Variants in ART3 observed in about 807,000 individuals in gnomAD.
ART3 encodes ADP-ribosyltransferase 3 (inactive).
ART3 carries 49 observed loss-of-function variants against 48.5 expected under a neutral mutation model. The ratio of observed to expected loss-of-function variants is 1.01; its 90% CI spans 0.80 to 1.28. The LOEUF is 1.28. Among genes scored for constraint, ART3 ranks in the 50% most tolerant of loss-of-function variants. ART3 has a pLI of 0.00. For synonymous variants in ART3, 145 were observed against 157.2 expected (o/e 0.92, Z 0.58); for missense variants, 438 against 454.3 (o/e 0.96, Z 0.33).
At chr4:76,035,157 G>C (rs754217102) in intron 1 of ART3, 5 of 1,612,672 alleles carry the variant, frequency 3.1e-6, no homozygotes, top group Admixed American at 3.3e-5. Context: ...AAGTTTAGAT[G>C]CAAATACATA....
intron 4 of ART3, among the ~76,000 whole-genome samples, chr4:76,098,494 TC>T (rs1261602126): frequency 2.6e-5 from 4 of 152,214 alleles, no homozygotes; most frequent in Non-Finnish European, 5.9e-5. Flanking sequence ...AATTTTTTTT[TC>T]ATGTAACTTA....
chr4:76,022,506 A>G (rs1411073792), intron 1 of ART3: 1 of 1,559,850 alleles, frequency 6.4e-7, no homozygotes, highest in Admixed American at 1.7e-5. Context: ...TGGGTCAATA[A>G]AACAGATGGC....
chr4:76,012,012 A>G (rs2149347694), intron 1 of ART3: 1 of 152,362 alleles, frequency 6.6e-6, no homozygotes, highest in East Asian at 1.9e-4. Context: ...TAGAGTTGAA[A>G]TCAACAGTTA....
intron 11 of ART3, among the ~76,000 whole-genome samples, chr4:76,109,785 C>G (rs922352658): frequency 7.2e-5 from 11 of 152,186 alleles, no homozygotes; most frequent in Admixed American, 2.0e-4. Flanking sequence ...CATTGCACGA[C>G]TGTACTAATG....
intron 1 of ART3, chr4:76,035,022 A>C: frequency 6.3e-7 from 1 of 1,577,336 alleles, no homozygotes; most frequent in Non-Finnish European, 8.7e-7. Flanking sequence ...ACAGATTATA[A>C]CATGGGAGTA....
intron 6 of ART3, 142 bp from the exon 7 acceptor site, chr4:76,100,652 TG>T: frequency 1.1e-6 from 1 of 917,558 alleles, no homozygotes; most frequent in Non-Finnish European, 1.7e-6. Context: ...AAAAAAATTC[TG>T]GGGGCTTGCA....
At chr4:76,050,953 G>C (rs920064446) in intron 1 of ART3, among the ~76,000 whole-genome samples, 1 of 152,222 alleles carries the variant, frequency 6.6e-6, no homozygotes, top group Non-Finnish European at 1.5e-5. Flanking sequence ...TGCTCCGAGT[G>C]CGGGGCCCGC....
chr4:76,052,942 T>C (rs6532154), intron 1 of ART3, among the ~76,000 whole-genome samples: 88,303 of 151,202 alleles, frequency 0.58, 26,595 homozygotes, highest in East Asian at 0.94. Context: ...TTGGCAAGGC[T>C]GGTCTCAAAC....
intron 1 of ART3, among the ~76,000 whole-genome samples, chr4:76,054,091 A>C (rs1041076293): frequency 6.6e-6 from 1 of 152,244 alleles, no homozygotes; most frequent in Non-Finnish European, 1.5e-5. Flanking sequence ...AGAAGGGAGA[A>C]ATAGTAGCTT....
intron 1 of ART3, among the ~76,000 whole-genome samples, chr4:76,037,294 C>T (rs941731868): frequency 6.6e-6 from 1 of 152,026 alleles, no homozygotes; most frequent in African/African-American, 2.4e-5. Context: ...AAGTGTGTCA[C>T]TTGTAGATGT....
chr4:76,032,422 G>C (rs890249099), intron 1 of ART3, among the ~76,000 whole-genome samples: 2 of 151,932 alleles, frequency 1.3e-5, no homozygotes, highest in African/African-American at 2.4e-5. Flanking sequence ...GCCCAAGCTA[G>C]TCTTGAACTC....
chr4:76,075,257 T>C (rs562596714), intron 1 of ART3: 1 of 152,364 alleles, frequency 6.6e-6, no homozygotes, highest in African/African-American at 2.4e-5. Flanking sequence ...CTTATTCTTG[T>C]TCCCGCCTTC....
At chr4:76,029,455 T>TA (rs1405890392) in intron 1 of ART3, among the ~76,000 whole-genome samples, 1 of 152,208 alleles carries the variant, frequency 6.6e-6, no homozygotes, top group Non-Finnish European at 1.5e-5. Context: ...GTTTCAGTGT[T>TA]ATGTGATAAT....
At chr4:76,029,037 AATAAG>A (rs1463956315) in intron 1 of ART3, among the ~76,000 whole-genome samples, 1 of 152,218 alleles carries the variant, frequency 6.6e-6, no homozygotes, top group Non-Finnish European at 1.5e-5. Context: ...CCTTCCCATA[AATAAG>A]ATATTTCAAC....
chr4:76,063,291 G>A (rs546540646), intron 1 of ART3, among the ~76,000 whole-genome samples: 12 of 152,212 alleles, frequency 7.9e-5, no homozygotes, highest in Admixed American at 3.9e-4. Flanking sequence ...TAAATGTAAT[G>A]AAGGAATGAG....
At chr4:76,035,840 A>G in intron 1 of ART3, 4 of 1,203,170 alleles carry the variant, frequency 3.3e-6, no homozygotes, top group Non-Finnish European at 4.8e-6. Flanking sequence ...AAACTTTATC[A>G]TGTCTTTTAG....
intron 1 of ART3, chr4:76,058,579 T>G (rs1718899549): frequency 6.6e-6 from 1 of 152,212 alleles, no homozygotes; most frequent in Non-Finnish European, 1.5e-5. Flanking sequence ...ATTTCTGTCT[T>G]TCTGTTTCTT....
intron 1 of ART3, among the ~76,000 whole-genome samples, chr4:76,045,594 G>A (rs1735428219): frequency 6.6e-6 from 1 of 152,012 alleles, no homozygotes; most frequent in African/African-American, 2.4e-5. Flanking sequence ...ACGAGTCTAA[G>A]GACTCCAAGA....
At chr4:76,013,057 T>G (rs762315972) in intron 1 of ART3, among the ~76,000 whole-genome samples, 1 of 152,198 alleles carries the variant, frequency 6.6e-6, no homozygotes, top group South Asian at 2.1e-4. Context: ...GAAAACAGCA[T>G]GTACATTAAC....
Sources: gnomAD v4.1 joint callset for allele counts (sites outside exome capture counted in the v4.1 genomes callset) on GRCh38, gnomAD v4.1.1 for gene constraint, MANE v1.5 for transcripts, NCBI Gene and HGNC (gene_info 2026-07-23, HGNC 2026-07-21) for gene names.